KCTD8: variants seen among roughly 807,000 people sequenced by gnomAD.
KCTD8 encodes potassium channel tetramerization domain containing 8, also known as BTB/POZ domain-containing protein KCTD8.
In KCTD8, 27 loss-of-function variants were observed where a neutral mutation model predicts 31.5. The ratio of observed to expected loss-of-function variants is 0.86; its 90% CI spans 0.63 to 1.18. The LOEUF (loss-of-function observed/expected upper bound fraction) is 1.18. KCTD8 is among the 50% of genes most tolerant of loss of function. The probability of loss-of-function intolerance (pLI) is 0.00; values close to 1 mark genes in which losing one functional copy is unlikely to be tolerated. For missense variants in KCTD8, 658 were observed against 647.7 expected (o/e 1.02, Z -0.17); for synonymous variants, 290 against 280.0 (o/e 1.04, Z -0.36).
At chr4:44,194,656 A>G (rs1446323140) in intron 1 of KCTD8, among the ~76,000 whole-genome samples, 1 of 152,150 alleles carries the variant, frequency 6.6e-6, no homozygotes, top group Non-Finnish European at 1.5e-5. Context: ...CAGTGAAAGT[A>G]ATCGGGGTGC....
intron 1 of KCTD8, among the ~76,000 whole-genome samples, chr4:44,207,088 A>G (rs573463728): frequency 5.9e-5 from 9 of 152,310 alleles, no homozygotes; most frequent in Admixed American, 5.9e-4. Context: ...TTGTGCTGTG[A>G]CTTTCCAGCT....
intron 1 of KCTD8, among the ~76,000 whole-genome samples, chr4:44,268,906 G>C (rs1287244535): frequency 6.6e-6 from 1 of 152,158 alleles, no homozygotes; most frequent in Non-Finnish European, 1.5e-5. Context: ...CAAAGAAATG[G>C]AAGAACATTC....
intron 1 of KCTD8, among the ~76,000 whole-genome samples, chr4:44,390,051 T>C (rs1720329322): frequency 1.3e-5 from 2 of 151,944 alleles, no homozygotes. Context: ...TTGTCAGATG[T>C]ATAGATTGCA....
chr4:44,429,206 A>T (rs560710852), intron 1 of KCTD8, among the ~76,000 whole-genome samples: 13 of 151,296 alleles, frequency 8.6e-5, no homozygotes, highest in South Asian at 2.1e-4. Context: ...GGAAAGATTT[A>T]AAAAAAAAGC....
At chr4:44,269,356 G>T (rs1170324136) in intron 1 of KCTD8, among the ~76,000 whole-genome samples, 4 of 151,878 alleles carry the variant, frequency 2.6e-5, no homozygotes, top group Non-Finnish European at 5.9e-5. Context: ...GCTGAAACTG[G>T]ATCCCTTCCT....
At chr4:44,206,814 CA>C (rs1714326749) in intron 1 of KCTD8, among the ~76,000 whole-genome samples, 1 of 152,140 alleles carries the variant, frequency 6.6e-6, no homozygotes, top group Admixed American at 6.5e-5. Context: ...AAACATCTCC[CA>C]GTGATCAGTG....
chr4:44,263,231 T>C (rs1716235501), intron 1 of KCTD8, among the ~76,000 whole-genome samples: 3 of 152,182 alleles, frequency 2.0e-5, no homozygotes, highest in South Asian at 4.1e-4. Flanking sequence ...CTAGTTAACA[T>C]GGATTTCTGT....
At chr4:44,260,996 G>A (rs965674151) in intron 1 of KCTD8, among the ~76,000 whole-genome samples, 21 of 152,010 alleles carry the variant, frequency 1.4e-4, no homozygotes, top group African/African-American at 4.8e-4. Flanking sequence ...TAATAAATGT[G>A]TGTAAAAGAT....
Position 44,421,728 on chromosome 4 carries a change from C to G in KCTD8, c.961+25835G>C, listed in dbSNP as rs140562761. 9.9e-3 allele frequency among the ~76,000 whole-genome samples: 1,510 copies of G among 152,112 alleles called. 59 individuals are homozygous for G. The highest frequency in any genetic ancestry group is 0.021 in the Admixed American group (321 of 15,260). On this transcript the variant is annotated intron_variant, in intron 1 of 1. Coordinates refer to ENST00000360029, the MANE Select transcript of KCTD8 (RefSeq NM_198353.3). ...TATCATGTCACTACCTACCTCCTAC[C>G]CACCTTTTATAACAGACAAAATCCT...
At chr4:44,441,239 A>AC (rs1721802888) in intron 1 of KCTD8, among the ~76,000 whole-genome samples, 1 of 55,972 alleles carries the variant, frequency 1.8e-5, no homozygotes, top group African/African-American at 4.3e-5. Context: ...TACTACTACT[A>AC]AAAAAAAAAT....
chr4:44,361,265 GC>G (rs1249529929), intron 1 of KCTD8, among the ~76,000 whole-genome samples: 3 of 151,918 alleles, frequency 2.0e-5, no homozygotes, highest in Non-Finnish European at 4.4e-5. Context: ...AGTAAAATTT[GC>G]CTTAAAGTAT....
chr4:44,319,900 A>G (rs901859935), intron 1 of KCTD8, among the ~76,000 whole-genome samples: 2 of 152,050 alleles, frequency 1.3e-5, no homozygotes, highest in Non-Finnish European at 1.5e-5. Context: ...GGCCGGGCGC[A>G]GTGGCTCATT....
chr4:44,321,169 T>C (rs1577614754), intron 1 of KCTD8, among the ~76,000 whole-genome samples: 5 of 152,216 alleles, frequency 3.3e-5, no homozygotes, highest in Admixed American at 3.3e-4. Flanking sequence ...ATACCTGTTT[T>C]GTTTTTAGTT....
chr4:44,198,999 A>G (rs920019182), intron 1 of KCTD8, among the ~76,000 whole-genome samples: 12 of 152,242 alleles, frequency 7.9e-5, no homozygotes, highest in Middle Eastern at 3.4e-3. Context: ...GGAGTTGCTC[A>G]TCTTATATTG....
chr4:44,307,735 A>G (rs781370580), intron 1 of KCTD8, among the ~76,000 whole-genome samples: 10 of 152,030 alleles, frequency 6.6e-5, no homozygotes, highest in African/African-American at 2.4e-4. Flanking sequence ...GGTTTTCATT[A>G]TATCAACTGA....
At chr4:44,241,438 C>A (rs1715453743) in intron 1 of KCTD8, among the ~76,000 whole-genome samples, 1 of 152,160 alleles carries the variant, frequency 6.6e-6, no homozygotes, top group African/African-American at 2.4e-5. Context: ...TCACAAAATT[C>A]TTTACGATTA....
intron 1 of KCTD8, among the ~76,000 whole-genome samples, chr4:44,362,783 T>G (rs766361030): frequency 1.3e-5 from 2 of 151,686 alleles, no homozygotes; most frequent in Non-Finnish European, 2.9e-5. Flanking sequence ...TTTTTTTTTT[T>G]TACAAAATCT....
chr4:44,263,746 G>A (rs1053093049), intron 1 of KCTD8, among the ~76,000 whole-genome samples: 3 of 152,112 alleles, frequency 2.0e-5, no homozygotes, highest in Admixed American at 2.0e-4. Context: ...ACATGAAGCT[G>A]AATTTGCCAC....
At chr4:44,433,973 TG>T (rs1291455935) in intron 1 of KCTD8, among the ~76,000 whole-genome samples, 2 of 151,898 alleles carry the variant, frequency 1.3e-5, no homozygotes, top group Admixed American at 6.6e-5. Flanking sequence ...AGTTGCTTTT[TG>T]AAAATGCACA....
Sources: gnomAD v4.1 joint callset for allele counts (sites outside exome capture counted in the v4.1 genomes callset) on GRCh38, gnomAD v4.1.1 for gene constraint, MANE v1.5 for transcripts, NCBI Gene and HGNC (gene_info 2026-07-23, HGNC 2026-07-21) for gene names.